The following LPGAT1 variants were observed in gnomAD, a reference collection of about 807,000 sequenced individuals.
LPGAT1 encodes acyl-CoA:lysophosphatidylglycerol acyltransferase 1.
A neutral mutation model predicts 47.5 loss-of-function variants in LPGAT1; 11 were observed. The observed-to-expected ratio is 0.23, with a 90% CI of 0.15 to 0.38. LPGAT1 has a LOEUF of 0.38. Ranked by LOEUF, LPGAT1 falls within the 10% of genes least tolerant of loss-of-function variation. LPGAT1 has a pLI of 1.00. For missense variants in LPGAT1, 293 were observed against 439.0 expected, an observed-to-expected ratio of 0.67 and a Z score of 2.97; for synonymous variants, 138 against 144.2, an observed-to-expected ratio of 0.96 and a Z score of 0.31.
In LPGAT1 at chr1:211,772,985, CATAA is replaced by C. The variant is rs552191086; in HGVS notation, c.854+5929_854+5932del. ...GTTTTTAAGTTTTGGTAATTTTTCTCATAAATAACTTTTCCCTCATCTCTTTGAC... is the reference window on the plus strand; with the variant it reads ...GTTTTTAAGTTTTGGTAATTTTTCTCATAACTTTTCCCTCATCTCTTTGAC... On this transcript the variant is annotated intron_variant, in intron 6 of 7. Coordinates refer to ENST00000366997, the MANE Select transcript of LPGAT1 (RefSeq NM_014873.3). Among the ~76,000 whole-genome samples, 373 of 152,252 alleles carry C rather than the reference CATAA, an allele frequency of 2.4e-3. 3 individuals are homozygous for C. Among genetic ancestry groups the C allele is most frequent in the African/African-American group, 8.3e-3 (346 of 41,558 alleles).
intron 6 of LPGAT1, among the ~76,000 whole-genome samples, chr1:211,765,729 A>G (rs930276400): frequency 6.6e-6 from 1 of 152,210 alleles, no homozygotes; most frequent in Non-Finnish European, 1.5e-5. Flanking sequence ...TCATCTATTG[A>G]TAATAACCCA....
chr1:211,815,954 A>AT (rs1410288024), intron 2 of LPGAT1, among the ~76,000 whole-genome samples: 15 of 150,016 alleles, frequency 1.0e-4, no homozygotes, highest in Admixed American at 8.6e-4. Flanking sequence ...AATTTTTTGT[A>AT]TTTTTTTTAG....
At chr1:211,796,428 C>A (rs768461883) in intron 2 of LPGAT1, among the ~76,000 whole-genome samples, 106 of 152,222 alleles carry the variant, frequency 7.0e-4, no homozygotes, top group Admixed American at 1.8e-3. Flanking sequence ...AAGTGACGCA[C>A]CTACAAGCTG....
intron 2 of LPGAT1, among the ~76,000 whole-genome samples, chr1:211,818,278 G>C (rs534122883): frequency 6.6e-6 from 1 of 152,132 alleles, no homozygotes; most frequent in Non-Finnish European, 1.5e-5. Context: ...TGGGATCCAA[G>C]CAAGTATCCT....
At chr1:211,794,819 T>C (rs1321083036) in intron 2 of LPGAT1, among the ~76,000 whole-genome samples, 1 of 152,218 alleles carries the variant, frequency 6.6e-6, no homozygotes, top group Non-Finnish European at 1.5e-5. Flanking sequence ...GAGACCTGTT[T>C]AGAAGCCAAT....
intron 6 of LPGAT1, among the ~76,000 whole-genome samples, chr1:211,768,475 T>C (rs78801639): frequency 6.6e-6 from 1 of 152,176 alleles, no homozygotes; most frequent in Non-Finnish European, 1.5e-5. Context: ...CTGCCTGCTC[T>C]TTTTTTGTGG....
chr1:211,772,228 A>C (rs1658202138), intron 6 of LPGAT1, among the ~76,000 whole-genome samples: 1 of 152,216 alleles, frequency 6.6e-6, no homozygotes, highest in South Asian at 2.1e-4. Context: ...AGGGCTACTC[A>C]ATCATAACGT....
Position 211,783,508 on chromosome 1 carries a change from A to G in LPGAT1, c.454-6T>C, listed in dbSNP as rs1339641957. 9 of 1,610,304 alleles carry G rather than the reference A, an allele frequency of 5.6e-6. No individual in the cohort carries two copies. In the African/African-American group the frequency reaches 1.1e-4, roughly 19 times the overall value. ...TGGTCACGATAAGATCTTCCCTAGA[A>G]GGTACACACACACGTAATAAGTACA... On this transcript the variant is annotated splice_polypyrimidine_tract_variant and splice_region_variant and intron_variant, in intron 4 of 7. Transcript: ENST00000366997.
At position 211,748,073 on chromosome 1, in the gene LPGAT1, T is replaced by C. The variant is rs1336728465; in HGVS notation, c.*1826A>G. On this transcript the variant is annotated 3_prime_UTR_variant, in exon 8 of 8. Transcript: ENST00000366997. ...CCCACATAACTGGGGAAAATTCACA[T>C]CTTTTCTGTTTTTTTTTGGTTTATT... 6.6e-6 allele frequency: 1 copy of C among 151,632 alleles called. No homozygotes were observed. The highest frequency in any genetic ancestry group is 2.4e-5 in the African/African-American group (1 of 41,402). The allele number at this position is 151,632 out of a possible 1,614,324, so 9.4% of individuals were successfully genotyped here.
intron 2 of LPGAT1, among the ~76,000 whole-genome samples, chr1:211,821,744 T>A (rs919748760): frequency 2.0e-5 from 3 of 152,148 alleles, no homozygotes; most frequent in Non-Finnish European, 2.9e-5. Context: ...TTACCTTTGG[T>A]CATAGAAGAG....
At chr1:211,786,546 G>T (rs564066346) in intron 4 of LPGAT1, among the ~76,000 whole-genome samples, 1 of 152,306 alleles carries the variant, frequency 6.6e-6, no homozygotes, top group South Asian at 2.1e-4. Context: ...AAATAATGTA[G>T]TGCTGATAAG....
In LPGAT1 at chr1:211,744,393, T is replaced by C. The variant is rs1656860241; in HGVS notation, c.*5506A>G. 2.0e-5 allele frequency: 3 copies of C among 152,212 alleles called. No individual in the cohort carries two copies. Among genetic ancestry groups the C allele is most frequent in the South Asian group, 4.1e-4 (2 of 4,830 alleles). The allele number at this position is 152,212 out of a possible 1,614,324, so 9.4% of individuals were successfully genotyped here. On this transcript the variant is annotated 3_prime_UTR_variant, in exon 8 of 8. Coordinates refer to ENST00000366997, the MANE Select transcript of LPGAT1 (RefSeq NM_014873.3). ...TGGTTTCGGCTTAATGAGTCTAATA[T>C]GTACCATGGTAAGAAACAGTTTTAA...
intron 2 of LPGAT1, among the ~76,000 whole-genome samples, chr1:211,826,666 G>GATATATATAT (rs10565966): frequency 1.4e-3 from 206 of 148,804 alleles, no homozygotes; most frequent in African/African-American, 4.8e-3. Context: ...TTTGGAAAAA[G>GATATATATAT]ATATATATAT....
intron 1 of LPGAT1, 185 bp from the exon 2 acceptor site, chr1:211,829,508 G>A: frequency 1.4e-6 from 2 of 1,425,292 alleles, no homozygotes; most frequent in South Asian, 1.5e-5. Context: ...AGGAGGAGCC[G>A]CACAAGGTCA....
intron 2 of LPGAT1, among the ~76,000 whole-genome samples, chr1:211,819,389 G>A (rs1422238043): frequency 6.6e-6 from 1 of 152,030 alleles, no homozygotes; most frequent in East Asian, 1.9e-4. Context: ...TAGCTACTTG[G>A]GCTGAGATGG....
intron 2 of LPGAT1, among the ~76,000 whole-genome samples, chr1:211,805,197 C>A (rs12138283): frequency 0.087 from 13,168 of 150,886 alleles, 659 homozygotes; most frequent in Admixed American, 0.15. Context: ...AATTTTTAAC[C>A]ACAAAAAAAC....
intron 2 of LPGAT1, among the ~76,000 whole-genome samples, chr1:211,802,087 CA>C (rs758493700): frequency 0.53 from 57,030 of 108,134 alleles, 12,032 homozygotes; most frequent in Non-Finnish European, 0.56. Context: ...GACTCTGTCT[CA>C]AAAAAAAAAA....
chr1:211,807,291 A>C lies in LPGAT1; in HGVS notation c.239-14101T>G, dbSNP rs992741274. ...AAAGCTCAAAATGAAGAGACATACTATGGTTATGGATTAAAAGACTCAACA... is the reference window on the plus strand; with the variant it reads ...AAAGCTCAAAATGAAGAGACATACTCTGGTTATGGATTAAAAGACTCAACA... On this transcript the variant is annotated intron_variant, in intron 2 of 7. Coordinates refer to ENST00000366997, the MANE Select transcript of LPGAT1 (RefSeq NM_014873.3). Among the ~76,000 whole-genome samples the C allele has an allele frequency of 4.6e-5, 7 of 151,870 alleles. No homozygotes were observed. The South Asian group carries it at 1.4e-3, about 31-fold the overall frequency.
chr1:211,751,995 A>G (rs545248019), intron 6 of LPGAT1, among the ~76,000 whole-genome samples: 1 of 152,270 alleles, frequency 6.6e-6, no homozygotes, highest in Non-Finnish European at 1.5e-5. Context: ...TCCTCTTCCT[A>G]TTCCCATAAC....
Sources: gnomAD v4.1 joint callset for allele counts (sites outside exome capture counted in the v4.1 genomes callset) on GRCh38, gnomAD v4.1.1 for gene constraint, MANE v1.5 for transcripts, NCBI Gene and HGNC (gene_info 2026-07-23, HGNC 2026-07-21) for gene names.